NPFFR2: variants seen among roughly 807,000 people sequenced by gnomAD.
The protein encoded by NPFFR2 is G-protein coupled receptor 74.
NPFFR2 carries 15 observed loss-of-function variants against 13.1 expected under a neutral mutation model. That is an observed-to-expected ratio of 1.15 (90% confidence interval 0.77 to 1.76). NPFFR2 has a LOEUF of 1.76. NPFFR2 is among the 40% of genes most tolerant of loss of function. The pLI is 0.00. For missense variants in NPFFR2, 572 were observed against 503.5 expected, an observed-to-expected ratio of 1.14 and a Z score of -1.30; for synonymous variants, 190 against 175.7, an observed-to-expected ratio of 1.08 and a Z score of -0.65.
intron 1 of NPFFR2, among the ~76,000 whole-genome samples, chr4:72,086,039 G>T (rs576835018): frequency 3.3e-5 from 5 of 152,018 alleles, no homozygotes; most frequent in African/African-American, 1.2e-4. Flanking sequence ...ATGTGCCATT[G>T]GTTATCACAT....
chr4:72,087,550 T>A (rs1720802582), intron 1 of NPFFR2, among the ~76,000 whole-genome samples: 4 of 54,772 alleles, frequency 7.3e-5, no homozygotes, highest in Admixed American at 2.2e-4. Context: ...CATGATGGTC[T>A]TGTGTAGGTA....
At position 72,064,916 on chromosome 4, in the gene NPFFR2, ACTT is replaced by A. The variant is rs557843480; in HGVS notation, c.-8+32722_-8+32724del. On this transcript the variant is annotated intron_variant, in intron 1 of 3. Coordinates refer to ENST00000308744, the MANE Select transcript of NPFFR2 (RefSeq NM_004885.3). ...CCCACGTGGTGGAGACTTGTTTCTTACTTCTTCTACACAGGCAAGATGCTGCTG... is the reference window on the plus strand; with the variant it reads ...CCCACGTGGTGGAGACTTGTTTCTTACTTCTACACAGGCAAGATGCTGCTG... Among the ~76,000 whole-genome samples the A allele has an allele frequency of 4.0e-3, 604 of 152,244 alleles. 3 individuals are homozygous for A. Among genetic ancestry groups the A allele is most frequent in the African/African-American group, 0.014 (570 of 41,552 alleles).
At chr4:72,097,172 G>A (rs1721098486) in intron 1 of NPFFR2, among the ~76,000 whole-genome samples, 1 of 151,838 alleles carries the variant, frequency 6.6e-6, no homozygotes, top group African/African-American at 2.4e-5. Context: ...TCTACATAGG[G>A]CAAACTTTTA....
intron 1 of NPFFR2, among the ~76,000 whole-genome samples, chr4:72,087,587 G>A (rs1432454923): frequency 6.6e-6 from 1 of 151,902 alleles, no homozygotes; most frequent in Non-Finnish European, 1.5e-5. Flanking sequence ...ATGGATGAGA[G>A]CCCCTGTATA....
At chr4:72,094,399 T>C (rs564488583) in intron 1 of NPFFR2, among the ~76,000 whole-genome samples, 25 of 152,276 alleles carry the variant, frequency 1.6e-4, no homozygotes, top group Middle Eastern at 6.8e-3. Context: ...AGGCGGTGTG[T>C]GGGGCCATGG....
intron 1 of NPFFR2, among the ~76,000 whole-genome samples, chr4:72,033,269 C>T (rs898233948): frequency 6.6e-6 from 1 of 152,010 alleles, no homozygotes; most frequent in African/African-American, 2.4e-5. Flanking sequence ...AAAAATAGTG[C>T]CATTATCATC....
intron 1 of NPFFR2, among the ~76,000 whole-genome samples, chr4:72,082,445 A>G (rs1008468861): frequency 1.3e-5 from 2 of 152,168 alleles, no homozygotes; most frequent in Admixed American, 6.6e-5. Flanking sequence ...TATTTTGCCA[A>G]ATTCAATGAC....
chr4:72,036,493 G>A (rs1186965224), intron 1 of NPFFR2, among the ~76,000 whole-genome samples: 3 of 138,238 alleles, frequency 2.2e-5, no homozygotes, highest in African/African-American at 9.1e-5. Flanking sequence ...GTTGGGTTCG[G>A]GTGGTGTGTG....
intron 1 of NPFFR2, among the ~76,000 whole-genome samples, chr4:72,072,278 C>G (rs992515284): frequency 5.9e-5 from 9 of 152,024 alleles, no homozygotes; most frequent in African/African-American, 2.2e-4. Flanking sequence ...CTTTGAACAA[C>G]TGTCTCAAAG....
In NPFFR2 at chr4:72,068,942, A is replaced by G. The variant is rs915597887; in HGVS notation, c.-8+36742A>G. On this transcript the variant is annotated intron_variant, in intron 1 of 3. Coordinates refer to ENST00000308744, the MANE Select transcript of NPFFR2 (RefSeq NM_004885.3). Reference sequence around the variant, plus strand: ...CCTCAGTTGCGAAATTAGGATGTTAATTATAGCTTTTGACATACAAGAAAC... The same window carrying G: ...CCTCAGTTGCGAAATTAGGATGTTAGTTATAGCTTTTGACATACAAGAAAC... The G allele has an allele frequency of 5.2e-5, 74 of 1,410,518 alleles. No homozygotes were observed. The Middle Eastern group carries it at 5.8e-3, about 111-fold the overall frequency. The allele number at this position is 1,410,518 out of a possible 1,614,324, so 87.4% of individuals were successfully genotyped here. A position where few individuals can be genotyped will look rare whatever the true frequency, so the allele number is the denominator to read the frequency against.
At chr4:72,042,432 G>T (rs1719247475) in intron 1 of NPFFR2, among the ~76,000 whole-genome samples, 1 of 152,174 alleles carries the variant, frequency 6.6e-6, no homozygotes, top group South Asian at 2.1e-4. Context: ...AGCCAAAAAT[G>T]TGGAAGCAAC....
chr4:72,102,477 T>G lies in NPFFR2; in HGVS notation c.-7-26108T>G, dbSNP rs559591357. Among the ~76,000 whole-genome samples, 14 of 151,792 alleles carry G rather than the reference T, an allele frequency of 9.2e-5. No individual in the cohort carries two copies. In the South Asian group the frequency reaches 2.9e-3, roughly 32 times the overall value. On this transcript the variant is annotated intron_variant, in intron 1 of 3. Transcript: ENST00000308744. ...GTGCCATGTTGGTGTGCTGCACCCA[T>G]TAACTCGTCATTTACATTAGGTATA...
At chr4:72,065,353 ATAATCT>A (rs1230987718) in intron 1 of NPFFR2, among the ~76,000 whole-genome samples, 3 of 152,154 alleles carry the variant, frequency 2.0e-5, no homozygotes, top group Admixed American at 6.5e-5. Flanking sequence ...AAATATGTAA[ATAATCT>A]TAATTCTTAA....
At chr4:72,034,696 T>TG (rs1719000091) in intron 1 of NPFFR2, among the ~76,000 whole-genome samples, 1 of 152,278 alleles carries the variant, frequency 6.6e-6, no homozygotes, top group African/African-American at 2.4e-5. Flanking sequence ...TTTTCCTCTC[T>TG]GTTTCCCTTT....
At chr4:72,111,859 TCCC>T (rs957466773) in intron 1 of NPFFR2, among the ~76,000 whole-genome samples, 1 of 152,104 alleles carries the variant, frequency 6.6e-6, no homozygotes. Context: ...CTGATGCTAG[TCCC>T]CCCAACATGG....
In NPFFR2 at chr4:72,147,132, A is replaced by G; in HGVS notation, c.583A>G (p.Asn195Asp). The G allele has an allele frequency of 6.2e-7, 1 of 1,614,168 alleles. No homozygotes were observed. The highest frequency in any genetic ancestry group is 8.5e-7 in the Non-Finnish European group (1 of 1,180,036). The change falls in exon 4 of 4, where the codon AAC (asparagine) becomes GAC (aspartate). Residue 195 changes from asparagine to aspartate, a missense_variant. Asn to Asp is a conservative substitution (Grantham distance 23). Coordinates refer to ENST00000308744, the MANE Select transcript of NPFFR2 (RefSeq NM_004885.3). Reference protein sequence around the residue: ...QEEKYYRVRLNSQNKTSPVYW... With the variant: ...QEEKYYRVRLDSQNKTSPVYW... The stretch of plus-strand genomic sequence containing the variant: ...AGAAAAATATTACCGAGTGAGACTC[A>G]ACTCCCAGAATAAAACCAGTCCAGT...
chr4:72,124,330 T>G (rs770936501), intron 1 of NPFFR2, among the ~76,000 whole-genome samples: 1 of 152,110 alleles, frequency 6.6e-6, no homozygotes, highest in Non-Finnish European at 1.5e-5. Flanking sequence ...GACAAAAGTA[T>G]TTTATAGAGT....
intron 2 of NPFFR2, among the ~76,000 whole-genome samples, chr4:72,130,340 G>T (rs1722198601): frequency 6.6e-6 from 1 of 152,072 alleles, no homozygotes; most frequent in East Asian, 1.9e-4. Flanking sequence ...AGAAATTTAG[G>T]CCCTCATGTG....
At chr4:72,113,441 G>A (rs1421277875) in intron 1 of NPFFR2, among the ~76,000 whole-genome samples, 2 of 151,974 alleles carry the variant, frequency 1.3e-5, no homozygotes, top group African/African-American at 2.4e-5. Context: ...TCATATCTAA[G>A]TGTACTTCCT....
Sources: allele counts gnomAD v4.1 joint callset (sites outside exome capture counted in the v4.1 genomes callset), GRCh38; gene constraint gnomAD v4.1.1; transcripts MANE v1.5; gene names NCBI Gene and HGNC (gene_info 2026-07-23, HGNC 2026-07-21).